The following ALOX5 variants were observed in gnomAD, a reference collection of about 807,000 sequenced individuals.
ALOX5 encodes the protein arachidonate 5-lipoxygenase.
In ALOX5, 64 loss-of-function variants were observed where a neutral mutation model predicts 87.9. The observed-to-expected ratio is 0.73, with a 90% CI of 0.60 to 0.90. The LOEUF is 0.90. Among genes scored for constraint, ALOX5 ranks in the 40% least tolerant of loss-of-function variants. ALOX5 has a pLI of 0.00. For missense variants in ALOX5, 822 were observed against 907.5 expected (o/e 0.91, Z 1.21); for synonymous variants, 388 against 355.1 (o/e 1.09, Z -1.04).
At chr10:45,407,389 TC>T (rs1367596428) in intron 3 of ALOX5, among the ~76,000 whole-genome samples, 7 of 145,826 alleles carry the variant, frequency 4.8e-5, no homozygotes, top group Admixed American at 4.7e-4. Context: ...TGTATCTTTT[TC>T]CTTTTTTTTT....
chr10:45,407,197 C>T (rs979251943), intron 3 of ALOX5, among the ~76,000 whole-genome samples: 2 of 152,064 alleles, frequency 1.3e-5, no homozygotes, highest in Non-Finnish European at 1.5e-5. Context: ...CTTCAGTCTT[C>T]CCATTTTCAG....
intron 2 of ALOX5, among the ~76,000 whole-genome samples, chr10:45,383,823 A>G (rs1055701489): frequency 2.0e-5 from 3 of 152,080 alleles, no homozygotes; most frequent in South Asian, 2.1e-4. Flanking sequence ...TAATGACAGG[A>G]AAAAAAATCA....
intron 6 of ALOX5, 55 bp from the exon 7 acceptor site, chr10:45,428,563 G>A: frequency 6.2e-7 from 1 of 1,606,480 alleles, no homozygotes; most frequent in South Asian, 1.1e-5. Context: ...CCCCAGGCCT[G>A]ATTTTTGGTC....
chr10:45,431,897 T>C (rs1358001912), intron 7 of ALOX5, among the ~76,000 whole-genome samples: 1 of 152,078 alleles, frequency 6.6e-6, no homozygotes, highest in Admixed American at 6.5e-5. Flanking sequence ...TTAAAGGATA[T>C]ACAATGAACT....
At chr10:45,389,389 T>C (rs1840123425) in intron 2 of ALOX5, among the ~76,000 whole-genome samples, 1 of 151,668 alleles carries the variant, frequency 6.6e-6, no homozygotes, top group Admixed American at 6.6e-5. Flanking sequence ...GACACATAAT[T>C]GTCAGATTCA....
intron 1 of ALOX5, among the ~76,000 whole-genome samples, chr10:45,380,201 G>A (rs1839778186): frequency 1.3e-5 from 2 of 152,246 alleles, no homozygotes; most frequent in African/African-American, 2.4e-5. Flanking sequence ...GGTGGCAGAT[G>A]AGGCTGATAC....
At chr10:45,440,777 A>G (rs1842210356) in intron 8 of ALOX5, 144 bp downstream of exon 8, 2 of 874,024 alleles carry the variant, frequency 2.3e-6, no homozygotes, top group East Asian at 5.3e-5. Flanking sequence ...AGAGTCAGTA[A>G]TGCCCCTAAA....
rs776670364 is a variant in ALOX5 at position 45,443,343 on chromosome 10, GA to G, written c.1452-72del. ...GGGGTGGGGGAGTCCCAGCGTCCGT[GA>G]GGGGGTTGCCGCCGGGCACCGCTCC... On this transcript the variant is annotated intron_variant, in intron 10 of 13. Transcript: ENST00000374391. 1.4e-3 allele frequency: 2,264 copies of G among 1,591,982 alleles called. 5 individuals are homozygous for G. The highest frequency in any genetic ancestry group is 1.8e-3 in the Non-Finnish European group (2,078 of 1,167,580).
chr10:45,444,191 A>C lies in ALOX5; in HGVS notation c.1750A>C (p.Thr584Pro). The C allele has an allele frequency of 1.9e-6, 3 of 1,556,798 alleles. No individual in the cohort carries two copies. The highest frequency in any genetic ancestry group is 2.6e-6 in the Non-Finnish European group (3 of 1,150,216). Residue 584 changes from threonine to proline, a missense_variant, in exon 13 of 14, where the codon ACC (threonine) becomes CCC (proline). Coordinates refer to ENST00000374391, the MANE Select transcript of ALOX5 (RefSeq NM_000698.5). ...GCCACCGACTGCCAAGGGCGTGGTG[A>C]CCATTGAGCAGATCGTGGACACGCT... Reference protein sequence around the residue: ...APPPTAKGVVTIEQIVDTLPD... With the variant: ...APPPTAKGVVPIEQIVDTLPD...
chr10:45,415,446 G>T (rs1053524141), intron 4 of ALOX5, among the ~76,000 whole-genome samples: 3 of 152,190 alleles, frequency 2.0e-5, no homozygotes, highest in Non-Finnish European at 4.4e-5. Context: ...GGGGTGGGGA[G>T]AGGGGGGAGG....
chr10:45,382,397 A>G, intron 1 of ALOX5, 86 bp from the exon 2 acceptor site: 3 of 1,431,298 alleles, frequency 2.1e-6, no homozygotes, highest in Non-Finnish European at 2.9e-6. Flanking sequence ...CCACAGCAGC[A>G]TACCTTGGGG....
chr10:45,419,300 C>T (rs1390188656), intron 4 of ALOX5, among the ~76,000 whole-genome samples: 1 of 138,288 alleles, frequency 7.2e-6, no homozygotes, highest in Non-Finnish European at 1.6e-5. Context: ...AGCGGGGCAC[C>T]CGGCCGGGGG....
chr10:45,416,235 T>G (rs1473608014), intron 4 of ALOX5, among the ~76,000 whole-genome samples: 1 of 152,058 alleles, frequency 6.6e-6, no homozygotes. Context: ...GGAAACTGAG[T>G]CTCCAAGGGG....
At chr10:45,424,291 C>T (rs2132805485) in intron 5 of ALOX5, 144 bp downstream of exon 5, 1 of 690,772 alleles carries the variant, frequency 1.4e-6, no homozygotes, top group Non-Finnish European at 2.6e-6. Flanking sequence ...CTGGACAGCA[C>T]CCCCTACACT....
intron 3 of ALOX5, among the ~76,000 whole-genome samples, chr10:45,406,344 C>T (rs1430550722): frequency 6.6e-6 from 1 of 152,194 alleles, no homozygotes; most frequent in Non-Finnish European, 1.5e-5. Context: ...CTACTCGAGA[C>T]CCCAGCACCA....
intron 3 of ALOX5, among the ~76,000 whole-genome samples, chr10:45,396,257 A>G (rs1840499250): frequency 1.3e-5 from 2 of 152,224 alleles, no homozygotes; most frequent in South Asian, 4.1e-4. Context: ...TCTTATAACA[A>G]TTCAATTATA....
intron 7 of ALOX5, among the ~76,000 whole-genome samples, chr10:45,438,128 TC>T (rs1270331326): frequency 1.8e-5 from 1 of 54,948 alleles, no homozygotes; most frequent in African/African-American, 1.4e-4. Flanking sequence ...TTTGACTTCC[TC>T]TTTTTTTTTT....
intron 4 of ALOX5, among the ~76,000 whole-genome samples, chr10:45,422,566 G>T (rs1348663693): frequency 6.6e-6 from 1 of 152,186 alleles, no homozygotes; most frequent in Non-Finnish European, 1.5e-5. Flanking sequence ...ACACTAGAAG[G>T]CCTGGGCTCA....
At chr10:45,403,197 G>A (rs1347446165) in intron 3 of ALOX5, among the ~76,000 whole-genome samples, 1 of 152,130 alleles carries the variant, frequency 6.6e-6, no homozygotes, top group Non-Finnish European at 1.5e-5. Context: ...CATTACTCAT[G>A]ATGGCCAAAA....
Sources: allele counts gnomAD v4.1 joint callset (sites outside exome capture counted in the v4.1 genomes callset), GRCh38; gene constraint gnomAD v4.1.1; transcripts MANE v1.5; gene names NCBI Gene and HGNC (gene_info 2026-07-23, HGNC 2026-07-21).